The following BRD10 variants were observed in gnomAD, a reference collection of about 807,000 sequenced individuals.
BRD10 encodes bromodomain containing 10.
At chr9:5,896,508 G>T in the BRD10 span, among the ~76,000 whole-genome samples, 1 of 152,196 alleles carries the variant, frequency 6.6e-6, no homozygotes, top group African/African-American at 2.4e-5. Context: ...CCAGTAGATG[G>T]TACTGAGCAA....
chr9:5,960,654 C>T, the BRD10 span, among the ~76,000 whole-genome samples: 1 of 151,824 alleles, frequency 6.6e-6, no homozygotes, highest in South Asian at 2.1e-4. Context: ...TCTTAAAACA[C>T]CATAAGCTTT....
chr9:5,929,992 C>T, the BRD10 span, among the ~76,000 whole-genome samples: 3 of 151,956 alleles, frequency 2.0e-5, no homozygotes, highest in African/African-American at 7.3e-5. Context: ...GCTATAGAAA[C>T]CTCTAGAAGA....
chr9:5,954,118 C>T, the BRD10 span: 1 of 1,338,404 alleles, frequency 7.5e-7, no homozygotes, highest in South Asian at 1.3e-5. Context: ...AAAGAGAAAA[C>T]CTTCATAATG....
At chr9:5,942,930 C>G in the BRD10 span, among the ~76,000 whole-genome samples, 1 of 152,094 alleles carries the variant, frequency 6.6e-6, no homozygotes, top group Admixed American at 6.6e-5. Context: ...CAGGATGGAA[C>G]GCAGTGGCAT....
chr9:5,968,072 T>C, the BRD10 span: 6 of 1,555,034 alleles, frequency 3.9e-6, no homozygotes, highest in African/African-American at 1.4e-5. Context: ...TAACTTATTC[T>C]GGATCTCAGG....
At chr9:5,929,061 C>G in the BRD10 span, 2 of 1,573,984 alleles carry the variant, frequency 1.3e-6, no homozygotes, top group Middle Eastern at 1.7e-4. Context: ...TTTGGAAAGC[C>G]TTCATTAACT....
At chr9:5,989,125 C>T in the BRD10 span, among the ~76,000 whole-genome samples, 5 of 149,854 alleles carry the variant, frequency 3.3e-5, no homozygotes, top group Non-Finnish European at 5.9e-5. Context: ...AGCTACTCGG[C>T]AGGCTGAGGC....
the BRD10 span, among the ~76,000 whole-genome samples, chr9:5,945,128 AT>A: frequency 6.6e-6 from 1 of 152,130 alleles, no homozygotes; most frequent in Non-Finnish European, 1.5e-5. Context: ...TTTACTTGCT[AT>A]GATGTATGAA....
At chr9:5,905,698 T>A in the BRD10 span, among the ~76,000 whole-genome samples, 1 of 152,246 alleles carries the variant, frequency 6.6e-6, no homozygotes, top group Admixed American at 6.5e-5. Flanking sequence ...GACTTGTAAG[T>A]CTCTGCTTTG....
At chr9:5,924,728 C>G in the BRD10 span, 1 of 1,605,316 alleles carries the variant, frequency 6.2e-7, no homozygotes, top group African/African-American at 1.3e-5. Flanking sequence ...TGATTTCTCC[C>G]TTAGGAGAGT....
At chr9:5,949,713 A>G in the BRD10 span, among the ~76,000 whole-genome samples, 1 of 152,150 alleles carries the variant, frequency 6.6e-6, no homozygotes, top group Non-Finnish European at 1.5e-5. Flanking sequence ...TATTTTTAAA[A>G]CTTATGTTAT....
chr9:5,897,516 T>C, the BRD10 span: 1 of 1,533,774 alleles, frequency 6.5e-7, no homozygotes, highest in East Asian at 2.2e-5. Flanking sequence ...TGTAGAACAA[T>C]GTTTCAATGA....
the BRD10 span, among the ~76,000 whole-genome samples, chr9:5,923,749 G>A: frequency 6.6e-6 from 1 of 152,078 alleles, no homozygotes; most frequent in Admixed American, 6.6e-5. Flanking sequence ...GACTCTAAAG[G>A]ACAAAAAATA....
chr9:5,897,482 A>C, the BRD10 span: 1 of 1,360,228 alleles, frequency 7.4e-7, no homozygotes, highest in Non-Finnish European at 1.1e-6. Flanking sequence ...ATGAAGAGGA[A>C]GACTGATTTA....
the BRD10 span, chr9:6,007,380 G>T: frequency 6.2e-7 from 1 of 1,612,338 alleles, no homozygotes; most frequent in East Asian, 2.2e-5. Context: ...GCAGACACAT[G>T]CCCTGTCCGG....
the BRD10 span, among the ~76,000 whole-genome samples, chr9:5,971,106 A>G: frequency 1.3e-5 from 2 of 151,128 alleles, no homozygotes; most frequent in Non-Finnish European, 3.0e-5. Flanking sequence ...ACTTGAATAG[A>G]TATTTCTTTA....
the BRD10 span, among the ~76,000 whole-genome samples, chr9:5,979,038 A>G: frequency 6.6e-6 from 1 of 152,258 alleles, no homozygotes; most frequent in Non-Finnish European, 1.5e-5. Context: ...TACATATTTA[A>G]TTAAGTCACT....
At chr9:5,915,688 C>T in the BRD10 span, among the ~76,000 whole-genome samples, 2 of 152,194 alleles carry the variant, frequency 1.3e-5, no homozygotes, top group Non-Finnish European at 2.9e-5. Context: ...GAAACCTTCT[C>T]TGGAAACTCC....
the BRD10 span, among the ~76,000 whole-genome samples, chr9:5,954,627 A>G: frequency 2.0e-5 from 3 of 152,192 alleles, no homozygotes; most frequent in Admixed American, 6.5e-5. Context: ...TCAATACCCA[A>G]AGTTTTAAAA....
Sources: allele counts gnomAD v4.1 joint callset (sites outside exome capture counted in the v4.1 genomes callset), GRCh38; gene constraint gnomAD v4.1.1; transcripts MANE v1.5; gene names NCBI Gene and HGNC (gene_info 2026-07-23, HGNC 2026-07-21).